The following NRG1 variants were observed in gnomAD, a reference collection of about 807,000 sequenced individuals.
The protein encoded by NRG1 is pro-neuregulin-1, membrane-bound isoform.
Under a neutral mutation model 63.8 loss-of-function variants are expected in NRG1, and 18 were observed. The ratio of observed to expected loss-of-function variants is 0.28; its 90% CI spans 0.19 to 0.42. The LOEUF (loss-of-function observed/expected upper bound fraction) is 0.42, where lower values mean the gene tolerates loss of function less well. NRG1 is among the 10% of genes least tolerant of loss of function. The pLI, the probability that NRG1 is intolerant of heterozygous loss-of-function variation, is 1.00. For missense variants in NRG1, 762 were observed against 814.7 expected (o/e 0.94, Z 0.79); for synonymous variants, 302 against 301.3 (o/e 1.00, Z -0.02).
At chr8:32,549,311 C>T (rs1833672264) in intron 1 of NRG1, among the ~76,000 whole-genome samples, 1 of 152,194 alleles carries the variant, frequency 6.6e-6, no homozygotes, top group African/African-American at 2.4e-5. Flanking sequence ...AGTGGGTGGT[C>T]GAGCAAGAGG....
chr8:31,742,033 G>A (rs1032634157), intron 1 of NRG1, among the ~76,000 whole-genome samples: 5 of 152,008 alleles, frequency 3.3e-5, no homozygotes, highest in Admixed American at 6.6e-5. Flanking sequence ...CTGTAATGCA[G>A]TGTTACTCAT....
chr8:31,652,281 A>G (rs968896876), intron 1 of NRG1, among the ~76,000 whole-genome samples: 1 of 152,170 alleles, frequency 6.6e-6, no homozygotes, highest in African/African-American at 2.4e-5. Flanking sequence ...CCCTCACTTC[A>G]ACTTCTCTGT....
Position 31,640,536 on chromosome 8 carries a change from C to T in NRG1, c.37+1105C>T, listed in dbSNP as rs533546251. 1.9e-6 allele frequency: 3 copies of T among 1,611,754 alleles called. No homozygotes were observed. The highest frequency in any genetic ancestry group is 2.5e-6 in the Non-Finnish European group (3 of 1,179,420). On this transcript the variant is annotated intron_variant, in intron 1 of 10. Transcript: ENST00000519301. This position sits in a 1 kb window ranked among gnomAD's most constrained non-coding sequence, Gnocchi z 6.3. Reference sequence around the variant, plus strand: ...AGAAGGACTCGCTGCTCACCGTGCGCCTGGGGACCTGGGGCCACCCCGCCT... The same window carrying T: ...AGAAGGACTCGCTGCTCACCGTGCGTCTGGGGACCTGGGGCCACCCCGCCT...
intron 1 of NRG1, among the ~76,000 whole-genome samples, chr8:32,437,643 G>T (rs1044410308): frequency 3.9e-5 from 6 of 152,118 alleles, no homozygotes; most frequent in African/African-American, 1.4e-4. Context: ...CCTTACTACT[G>T]CATTATGAAT....
chr8:31,832,250 T>G (rs1462929886), intron 1 of NRG1, among the ~76,000 whole-genome samples: 1 of 24,268 alleles, frequency 4.1e-5, no homozygotes, highest in African/African-American at 7.0e-5. Flanking sequence ...AATGCTCTAG[T>G]TTTTTTTTTT....
intron 1 of NRG1, among the ~76,000 whole-genome samples, chr8:32,377,430 T>A (rs1587203092): frequency 6.6e-6 from 1 of 152,194 alleles, no homozygotes; most frequent in African/African-American, 2.4e-5. Context: ...AGACCACTTG[T>A]CTCTGCACAG....
chr8:32,700,649 G>A (rs931728873), intron 5 of NRG1, among the ~76,000 whole-genome samples: 1 of 152,092 alleles, frequency 6.6e-6, no homozygotes, highest in African/African-American at 2.4e-5. Context: ...AAAGAATAGA[G>A]TTAAAGTTTG....
intron 1 of NRG1, among the ~76,000 whole-genome samples, chr8:32,425,645 G>C (rs1027066707): frequency 1.3e-5 from 2 of 152,160 alleles, no homozygotes; most frequent in African/African-American, 4.8e-5. Context: ...ATTGCCCACA[G>C]AGCTGAAAAC....
intron 1 of NRG1, among the ~76,000 whole-genome samples, chr8:32,044,302 G>A (rs996912721): frequency 1.3e-5 from 2 of 151,752 alleles, no homozygotes; most frequent in African/African-American, 4.8e-5. Flanking sequence ...CAAAATACGT[G>A]AAGTAGAAAC....
chr8:32,086,882 T>C (rs1415464995), intron 1 of NRG1, among the ~76,000 whole-genome samples: 1 of 152,230 alleles, frequency 6.6e-6, no homozygotes, highest in Non-Finnish European at 1.5e-5. Context: ...TTTACATTAT[T>C]ATAGTAAGAA....
intron 1 of NRG1, among the ~76,000 whole-genome samples, chr8:31,849,268 C>T (rs1241938729): frequency 6.6e-6 from 1 of 152,194 alleles, no homozygotes; most frequent in Non-Finnish European, 1.5e-5. Context: ...AACTCAGTGA[C>T]TCAAACCCAG....
At chr8:32,562,146 C>T (rs1436133110) in intron 1 of NRG1, among the ~76,000 whole-genome samples, 1 of 152,080 alleles carries the variant, frequency 6.6e-6, no homozygotes, top group East Asian at 1.9e-4. Context: ...ACCCAGCTGG[C>T]CCCATTAACA....
At chr8:32,631,610 T>G (rs1327017695) in intron 5 of NRG1, among the ~76,000 whole-genome samples, 1 of 152,198 alleles carries the variant, frequency 6.6e-6, no homozygotes, top group African/African-American at 2.4e-5. Context: ...GAAATAGTTA[T>G]AGGCAGTTAT....
chr8:31,765,722 G>A (rs920323978), intron 1 of NRG1, among the ~76,000 whole-genome samples: 1 of 152,090 alleles, frequency 6.6e-6, no homozygotes, highest in Non-Finnish European at 1.5e-5. Flanking sequence ...ATAGAGAAAA[G>A]AAAAACTTTC....
chr8:32,756,551 G>A, intron 9 of NRG1, 22 bp downstream of exon 9: 1 of 1,593,172 alleles, frequency 6.3e-7, no homozygotes, highest in Non-Finnish European at 8.5e-7. Flanking sequence ...CTGGCCAGTG[G>A]AAAAAACTGA....
chr8:32,461,788 T>A (rs1822349785), intron 1 of NRG1, among the ~76,000 whole-genome samples: 1 of 152,198 alleles, frequency 6.6e-6, no homozygotes, highest in Admixed American at 6.5e-5. Context: ...TTCCACCACT[T>A]AATAATCTAA....
chr8:32,466,371 C>CAAAA (rs35722571), intron 1 of NRG1, among the ~76,000 whole-genome samples: 25,164 of 124,644 alleles, frequency 0.2, 3,063 homozygotes, highest in East Asian at 0.69. Flanking sequence ...ACCTTGACAT[C>CAAAA]AAAAAAAAAA....
intron 1 of NRG1, among the ~76,000 whole-genome samples, chr8:32,048,656 G>A (rs115521216): frequency 0.011 from 1,666 of 151,574 alleles, 26 homozygotes; most frequent in African/African-American, 0.036. Context: ...TTTGGTAAAA[G>A]CCATTCTAAT....
At chr8:32,635,601 C>G (rs73590627) in intron 5 of NRG1, among the ~76,000 whole-genome samples, 3,286 of 152,130 alleles carry the variant, frequency 0.022, 134 homozygotes, top group African/African-American at 0.076. Context: ...TTTCCCCCAC[C>G]ACAGGTTATT....
Sources: gnomAD v4.1 joint callset for allele counts (sites outside exome capture counted in the v4.1 genomes callset) on GRCh38, gnomAD v4.1.1 for gene constraint, Gnocchi (gnomAD v3.1) non-coding constraint, MANE v1.5 for transcripts, NCBI Gene and HGNC (gene_info 2026-07-23, HGNC 2026-07-21) for gene names.